CDHR2: variants seen among roughly 807,000 people sequenced by gnomAD.
CDHR2 encodes the protein cadherin-related family member 2.
A neutral mutation model predicts 138.6 loss-of-function variants in CDHR2; 104 were observed. The ratio of observed to expected loss-of-function variants is 0.75; its 90% CI spans 0.64 to 0.88. The LOEUF (loss-of-function observed/expected upper bound fraction) is 0.88. Among genes scored for constraint, CDHR2 ranks in the 40% least tolerant of loss-of-function variants. The pLI is 0.00. For missense variants in CDHR2, 1,624 were observed against 1,727.6 expected (o/e 0.94, Z 1.06); for synonymous variants, 755 against 742.8 (o/e 1.02, Z -0.27).
intron 16 of CDHR2, among the ~76,000 whole-genome samples, chr5:176,580,783 A>T (rs577988321): frequency 1.3e-5 from 2 of 152,318 alleles, no homozygotes; most frequent in African/African-American, 2.4e-5. Context: ...AGGCTGAGGC[A>T]GGAGAATCAC....
At chr5:176,566,529 G>T (rs942633875) in intron 3 of CDHR2, among the ~76,000 whole-genome samples, 20 of 152,294 alleles carry the variant, frequency 1.3e-4, no homozygotes, top group African/African-American at 3.4e-4. Context: ...ACCGCCCCTC[G>T]TGGCCGCCCA....
At chr5:176,559,415 T>C (rs376463612) in intron 1 of CDHR2, among the ~76,000 whole-genome samples, 39 of 152,360 alleles carry the variant, frequency 2.6e-4, no homozygotes, top group African/African-American at 9.1e-4. Flanking sequence ...CAGGGTCTTG[T>C]CTTTATCCCT....
intron 21 of CDHR2, among the ~76,000 whole-genome samples, chr5:176,587,466 T>C (rs1275214235): frequency 1.3e-5 from 2 of 151,692 alleles, no homozygotes; most frequent in African/African-American, 4.8e-5. Flanking sequence ...AATAAATAAA[T>C]AAATAAATTA....
chr5:176,577,602 G>C, intron 13 of CDHR2, 35 bp from the exon 14 acceptor site: 1 of 1,613,866 alleles, frequency 6.2e-7, no homozygotes, highest in Non-Finnish European at 8.5e-7. Flanking sequence ...GGGGCACTTG[G>C]GCCCCACAGC....
intron 5 of CDHR2, among the ~76,000 whole-genome samples, chr5:176,570,922 G>A (rs1758211215): frequency 6.7e-6 from 1 of 148,432 alleles, no homozygotes; most frequent in Admixed American, 6.8e-5. Context: ...TTGTACTCCA[G>A]CCTGGGTAAC....
At chr5:176,581,654 A>T in intron 17 of CDHR2, 72 bp downstream of exon 17, 1 of 1,577,360 alleles carries the variant, frequency 6.3e-7, no homozygotes, top group Non-Finnish European at 8.6e-7. Context: ...AGCTTGAGTC[A>T]CACTTCTGCC....
chr5:176,591,597 G>C, intron 30 of CDHR2, 113 bp downstream of exon 30: 1 of 815,176 alleles, frequency 1.2e-6, no homozygotes, highest in African/African-American at 1.7e-5. Flanking sequence ...TGATGGTGTG[G>C]TCATGGTAGT....
intron 1 of CDHR2, among the ~76,000 whole-genome samples, chr5:176,556,981 C>T (rs1757843721): frequency 8.0e-6 from 1 of 125,622 alleles, no homozygotes; most frequent in Admixed American, 8.6e-5. Context: ...CTCCCTTCCT[C>T]TCTTCCTTCC....
chr5:176,545,157 C>T (rs1232211386), upstream of CDHR2, among the ~76,000 whole-genome samples: 1 of 151,862 alleles, frequency 6.6e-6, no homozygotes, highest in Admixed American at 6.6e-5. Flanking sequence ...ACTCTGTCAC[C>T]CAGGCAGGAG....
At chr5:176,550,989 C>T (rs1757691274) in intron 1 of CDHR2, among the ~76,000 whole-genome samples, 1 of 152,194 alleles carries the variant, frequency 6.6e-6, no homozygotes, top group Non-Finnish European at 1.5e-5. Flanking sequence ...TGATTCTTCT[C>T]TGTGTCCTTT....
At chr5:176,562,673 G>A (rs1434419208) in intron 1 of CDHR2, among the ~76,000 whole-genome samples, 1 of 152,120 alleles carries the variant, frequency 6.6e-6, no homozygotes, top group African/African-American at 2.4e-5. Flanking sequence ...AAAAAGAGAG[G>A]GGACCATGTG....
At chr5:176,592,604 ATGG>A (rs1339538539) in intron 30 of CDHR2, 116 bp from the exon 31 acceptor site, 25 of 768,456 alleles carry the variant, frequency 3.3e-5, no homozygotes, top group Non-Finnish European at 5.4e-5. Flanking sequence ...GGTGGTGGTG[ATGG>A]TGATGATGGT....
In CDHR2 at chr5:176,586,020, C is replaced by A; in HGVS notation, c.2801C>A (p.Thr934Asn). Residue 934 changes from threonine to asparagine, a missense_variant, in exon 20 of 32, where the codon ACT becomes AAT. Transcript: ENST00000261944. ...CCCTATTTTCTGCCTGAGAATAAGA[C>A]TTTTGGTAAGCAGCAACCCCATTCA... is the stretch of plus-strand genomic sequence containing the variant. ...NAPYFLPENK[T>N]FVIIPELVLP... 6.2e-7 allele frequency: 1 copy of A among 1,613,708 alleles called. No individual in the cohort carries two copies. Among genetic ancestry groups the A allele is most frequent in the Non-Finnish European group, 8.5e-7 (1 of 1,179,646 alleles).
rs1189159029 is a variant in CDHR2, at chr5:176,554,644, GT to G, written c.-16+5236del. ...GGTAGAATGGTACCAATCTAGAAGGGTTTTTTGTTTTTGTTTTTGTTTTGTT... is the reference window on the plus strand; with the variant it reads ...GGTAGAATGGTACCAATCTAGAAGGGTTTTTGTTTTTGTTTTTGTTTTGTT... On this transcript the variant is annotated intron_variant, in intron 1 of 31. Transcript: ENST00000261944. Among the ~76,000 whole-genome samples, 18 of 152,178 alleles carry G rather than the reference GT, an allele frequency of 1.2e-4. No individual in the cohort carries two copies. The South Asian group carries it at 3.3e-3, about 28-fold the overall frequency.
chr5:176,586,303 C>G (rs1758664730), intron 20 of CDHR2, among the ~76,000 whole-genome samples: 1 of 152,262 alleles, frequency 6.6e-6, no homozygotes, highest in African/African-American at 2.4e-5. Context: ...TCAAGCAATT[C>G]TCATGCCTTA....
chr5:176,595,754 A>G lies in CDHR2; in HGVS notation c.*82A>G. ...CCTGTCTCCCTGGAGATGAAAATAT[A>G]TGACGCTGCCCTGCCTCCTGCTTTT... On this transcript the variant is annotated 3_prime_UTR_variant, in exon 32 of 32. Transcript: ENST00000261944. 2 of 1,325,532 alleles carry G rather than the reference A, an allele frequency of 1.5e-6. No individual in the cohort carries two copies. The highest frequency in any genetic ancestry group is 1.5e-5 in the African/African-American group (1 of 66,612). 82.1% of individuals were successfully genotyped at this position (1,325,532 alleles called of 1,614,324 possible).
rs1447962018 is a variant in CDHR2 at position 176,571,213 on chromosome 5, G to A, written c.316G>A (p.Val106Met). 3.1e-6 allele frequency: 5 copies of A among 1,610,710 alleles called. No homozygotes were observed. In the South Asian group the frequency reaches 5.5e-5, roughly 18 times the overall value. ...TISVSDPYIQ[V>M]QREMLVIVED... is the part of the protein sequence containing the mutation. ...GTCCCCTGGGCTTTCTCACTTGCAG[G>A]TGCAGAGGGAGATGCTGGTGATTGT... is the stretch of plus-strand genomic sequence containing the variant. The change falls in exon 6 of 32, where the codon GTG becomes ATG. Residue 106 changes from valine (V) to methionine (M), a missense_variant and splice_region_variant. Val to Met is a conservative substitution (Grantham distance 21, BLOSUM62 1). Transcript: ENST00000261944.
Position 176,575,107 on chromosome 5 carries a change from C to A in CDHR2, c.519C>A (p.Ser173Arg). 1 of 1,614,152 alleles carries A rather than the reference C, an allele frequency of 6.2e-7. No individual in the cohort carries two copies. Among genetic ancestry groups the A allele is most frequent in the South Asian group, 1.1e-5 (1 of 91,084 alleles). The change falls in exon 8 of 32, where the codon AGC becomes AGA. Residue 173 changes from serine to arginine, a missense_variant. Coordinates refer to ENST00000261944, the MANE Select transcript of CDHR2 (RefSeq NM_017675.6). ...AGGTCATCCCTAGCACTGGGGACAG[C>A]GAGCATCTCTTCCGGATCCTGGCCA... The part of the protein sequence containing the change: ...IEKVIPSTGD[S>R]EHLFRILANG...
chr5:176,565,242 G>A, intron 1 of CDHR2, 96 bp from the exon 2 acceptor site: 2 of 828,672 alleles, frequency 2.4e-6, no homozygotes, highest in South Asian at 2.8e-5. Flanking sequence ...CTAAGCAGCA[G>A]TGGTGGGTGG....
Sources: allele counts gnomAD v4.1 joint callset (sites outside exome capture counted in the v4.1 genomes callset), GRCh38; gene constraint gnomAD v4.1.1; transcripts MANE v1.5; gene names NCBI Gene and HGNC (gene_info 2026-07-23, HGNC 2026-07-21).